Variants in DNM3 observed in about 807,000 individuals in gnomAD.
DNM3 encodes the protein dynamin-3.
A neutral mutation model predicts 101.6 loss-of-function variants in DNM3; 47 were observed. The observed-to-expected ratio is 0.46, with a 90% CI of 0.37 to 0.59. The LOEUF (loss-of-function observed/expected upper bound fraction) is 0.59, where lower values mean the gene tolerates loss of function less well. Ranked by LOEUF, DNM3 falls within the 20% of genes least tolerant of loss-of-function variation. DNM3 has a pLI of 0.00. For synonymous variants in DNM3, 385 were observed against 387.9 expected, an observed-to-expected ratio of 0.99 and a Z score of 0.09; for missense variants, 849 against 1,085.7, an observed-to-expected ratio of 0.78 and a Z score of 3.06.
intron 10 of DNM3, among the ~76,000 whole-genome samples, chr1:172,051,385 A>C (rs1309010272): frequency 6.6e-6 from 1 of 152,046 alleles, no homozygotes; most frequent in Non-Finnish European, 1.5e-5. Context: ...TCCATACCCA[A>C]TTCACCTTCA....
intron 17 of DNM3, among the ~76,000 whole-genome samples, chr1:172,333,265 A>C (rs2066267944): frequency 6.6e-6 from 1 of 152,222 alleles, no homozygotes; most frequent in African/African-American, 2.4e-5. Flanking sequence ...CTGTTACACT[A>C]AAAGTGTTTG....
At chr1:172,412,873 A>G (rs2071289887), downstream of DNM3, among the ~76,000 whole-genome samples, 1 of 152,144 alleles carries the variant, frequency 6.6e-6, no homozygotes, top group Non-Finnish European at 1.5e-5. Context: ...TAATTTGGAG[A>G]AAGATGGGAT....
At chr1:171,853,980 C>A (rs560252441) in intron 1 of DNM3, among the ~76,000 whole-genome samples, 3 of 152,152 alleles carry the variant, frequency 2.0e-5, no homozygotes, top group Non-Finnish European at 4.4e-5. Context: ...ATGGCAATTT[C>A]TGATGACTTA....
At chr1:171,976,960 A>G (rs1282374876) in intron 2 of DNM3, among the ~76,000 whole-genome samples, 2 of 151,972 alleles carry the variant, frequency 1.3e-5, no homozygotes, top group Non-Finnish European at 2.9e-5. Flanking sequence ...ATTTTTTTGT[A>G]TTGAAATCTG....
rs2039545526 is a variant in DNM3, at chr1:171,914,398, C to G, written c.162-7350C>G. On this transcript the variant is annotated intron_variant, in intron 1 of 20. Coordinates refer to ENST00000627582, the MANE Select transcript of DNM3 (RefSeq NM_015569.5). The stretch of plus-strand genomic sequence containing the variant: ...TCTTGAACTCCCAACCTCAGGTGAT[C>G]TGCCGGCCTCGGCCTCCCAAAGTGC... 2.0e-5 allele frequency among the ~76,000 whole-genome samples: 3 copies of G among 152,208 alleles called. No homozygotes were observed. The South Asian group carries it at 6.2e-4, about 31-fold the overall frequency.
At chr1:172,092,185 A>G (rs12569236) in intron 12 of DNM3, among the ~76,000 whole-genome samples, 5,447 of 152,252 alleles carry the variant, frequency 0.036, 228 homozygotes, top group East Asian at 0.13. Flanking sequence ...AAAAACATCA[A>G]TAAGTCCAGA....
At chr1:171,892,704 C>T (rs1249603421) in intron 1 of DNM3, among the ~76,000 whole-genome samples, 1 of 152,166 alleles carries the variant, frequency 6.6e-6, no homozygotes, top group East Asian at 1.9e-4. Context: ...AGCAGCAGTT[C>T]CCAGCCTTTT....
At chr1:171,960,363 A>C (rs1170798916) in intron 2 of DNM3, among the ~76,000 whole-genome samples, 2 of 152,214 alleles carry the variant, frequency 1.3e-5, no homozygotes, top group African/African-American at 4.8e-5. Flanking sequence ...CCCATTTGGC[A>C]TACTTTGTTA....
intron 1 of DNM3, among the ~76,000 whole-genome samples, chr1:171,903,492 T>G (rs1372392219): frequency 6.6e-6 from 1 of 152,232 alleles, no homozygotes; most frequent in East Asian, 1.9e-4. Context: ...TCCCAAGGGC[T>G]ATCTTATTTA....
chr1:172,174,828 G>A (rs570635618), intron 14 of DNM3, among the ~76,000 whole-genome samples: 2 of 151,684 alleles, frequency 1.3e-5, no homozygotes, highest in African/African-American at 4.8e-5. Context: ...AACTACAATA[G>A]GAATTCATTA....
intron 17 of DNM3, among the ~76,000 whole-genome samples, chr1:172,374,970 A>G (rs1254373129): frequency 6.6e-6 from 1 of 152,068 alleles, no homozygotes; most frequent in Non-Finnish European, 1.5e-5. Context: ...TGCCTGTTAA[A>G]CAAATAGTAT....
chr1:172,129,986 G>C (rs1047795984), intron 13 of DNM3, among the ~76,000 whole-genome samples: 1 of 152,098 alleles, frequency 6.6e-6, no homozygotes, highest in Non-Finnish European at 1.5e-5. Flanking sequence ...CTGAAACAGG[G>C]AATCAAGGGT....
At chr1:172,311,550 C>A (rs1034618712) in intron 16 of DNM3, among the ~76,000 whole-genome samples, 1 of 152,098 alleles carries the variant, frequency 6.6e-6, no homozygotes, top group Non-Finnish European at 1.5e-5. Context: ...CTACAGTGTT[C>A]GTCCCACCGC....
At chr1:172,377,553 C>CAT (rs34612864) in intron 17 of DNM3, among the ~76,000 whole-genome samples, 4,688 of 123,338 alleles carry the variant, frequency 0.038, 155 homozygotes, top group Middle Eastern at 0.059. Context: ...TGATATATAT[C>CAT]ATATATATAT....
In DNM3 at chr1:172,030,484, G is replaced by T. The variant is rs186601063; in HGVS notation, c.590-1918G>T. 1.8e-4 allele frequency among the ~76,000 whole-genome samples: 27 copies of T among 152,130 alleles called. No homozygotes were observed. The East Asian group carries it at 5.2e-3, about 29-fold the overall frequency. On this transcript the variant is annotated intron_variant, in intron 4 of 20. Coordinates refer to ENST00000627582, the MANE Select transcript of DNM3 (RefSeq NM_015569.5). ...AGAAAACCCAGGCAATACCATTCAG[G>T]ACATGGGCAAAAACTTCATGACTAA... is the stretch of plus-strand genomic sequence containing the variant.
At chr1:172,248,347 C>A (rs1003407804) in intron 14 of DNM3, among the ~76,000 whole-genome samples, 7 of 152,068 alleles carry the variant, frequency 4.6e-5, no homozygotes, top group African/African-American at 1.7e-4. Context: ...GGATCATCAG[C>A]AGTCAATGTT....
chr1:171,949,634 T>C (rs946147735), intron 2 of DNM3, among the ~76,000 whole-genome samples: 1 of 152,000 alleles, frequency 6.6e-6, no homozygotes, highest in Admixed American at 6.6e-5. Context: ...AGGGTTGGTC[T>C]TGAACTCCTG....
intron 4 of DNM3, among the ~76,000 whole-genome samples, chr1:172,025,021 C>T (rs192735904): frequency 1.2e-4 from 18 of 152,328 alleles, no homozygotes; most frequent in African/African-American, 4.3e-4. Context: ...GATCTCACAC[C>T]CACAGAGCTC....
chr1:171,908,119 A>T (rs370184151), intron 1 of DNM3, among the ~76,000 whole-genome samples: 6 of 152,286 alleles, frequency 3.9e-5, no homozygotes, highest in African/African-American at 1.4e-4. Flanking sequence ...TTTCTTTTCC[A>T]TTATGAAAAT....
Sources: gnomAD v4.1 joint callset for allele counts (sites outside exome capture counted in the v4.1 genomes callset) on GRCh38, gnomAD v4.1.1 for gene constraint, MANE v1.5 for transcripts, NCBI Gene and HGNC (gene_info 2026-07-23, HGNC 2026-07-21) for gene names.